The following PPP1R37 variants were observed in gnomAD, a reference collection of about 807,000 sequenced individuals.
PPP1R37 encodes protein phosphatase 1 regulatory subunit 37.
PPP1R37 carries 21 observed loss-of-function variants against 61.0 expected under a neutral mutation model. That is an observed-to-expected ratio of 0.34 (90% CI 0.24 to 0.50). The LOEUF (loss-of-function observed/expected upper bound fraction) is 0.50, where lower values mean the gene tolerates loss of function less well. Ranked by LOEUF, PPP1R37 falls within the 20% of genes least tolerant of loss-of-function variation. PPP1R37 has a pLI of 0.98. For missense variants in PPP1R37, 910 were observed against 952.7 expected (o/e 0.96, Z 0.59); for synonymous variants, 443 against 433.5 (o/e 1.02, Z -0.27).
rs553583118 is a variant in PPP1R37, at chr19:45,105,532, C to T, written c.202+12005C>T. On this transcript the variant is annotated intron_variant, in intron 1 of 12. Coordinates refer to ENST00000221462, the MANE Select transcript of PPP1R37 (RefSeq NM_019121.2). ...GGCAAGGTTCTGATAATTGATCTGCCGTGTACCTTTGTGGCAGGTGACCTA... is the reference window on the plus strand; with the variant it reads ...GGCAAGGTTCTGATAATTGATCTGCTGTGTACCTTTGTGGCAGGTGACCTA... Among the ~76,000 whole-genome samples, 154 of 152,230 alleles carry T rather than the reference C, an allele frequency of 1.0e-3. 2 individuals are homozygous for T. In the South Asian group the frequency reaches 0.011, roughly 11 times the overall value.
intron 1 of PPP1R37, among the ~76,000 whole-genome samples, chr19:45,123,364 C>T (rs1476265296): frequency 2.0e-5 from 3 of 152,200 alleles, no homozygotes; most frequent in Non-Finnish European, 2.9e-5. Flanking sequence ...AACCTACGAG[C>T]GCATCCTTGC....
At chr19:45,139,961 C>A (rs921914478) in intron 2 of PPP1R37, among the ~76,000 whole-genome samples, 21 of 152,272 alleles carry the variant, frequency 1.4e-4, no homozygotes, top group African/African-American at 5.1e-4. Context: ...GGGCCCACTC[C>A]CTCACTCGGT....
intron 1 of PPP1R37, among the ~76,000 whole-genome samples, chr19:45,137,788 G>A (rs1968556859): frequency 6.6e-6 from 1 of 151,718 alleles, no homozygotes; most frequent in Non-Finnish European, 1.5e-5. Flanking sequence ...TTTCCTCATA[G>A]GGTTGAAGTG....
chr19:45,119,434 T>C (rs1968311991), intron 1 of PPP1R37, among the ~76,000 whole-genome samples: 1 of 152,206 alleles, frequency 6.6e-6, no homozygotes, highest in South Asian at 2.1e-4. Flanking sequence ...ATCACAGGCA[T>C]GAGCCACGGT....
rs188384117 is a variant in PPP1R37 at position 45,094,740 on chromosome 19, A to C, written c.202+1213A>C. ...CAAAACTCCGGCTCAAAGAAAAAAA[A>C]AAAAAGAATTGGGGGATGTTATCAA... On this transcript the variant is annotated intron_variant, in intron 1 of 12. Coordinates refer to ENST00000221462, the MANE Select transcript of PPP1R37 (RefSeq NM_019121.2). 5.3e-5 allele frequency among the ~76,000 whole-genome samples: 8 copies of C among 152,084 alleles called. No individual in the cohort carries two copies. The East Asian group carries it at 1.5e-3, about 29-fold the overall frequency.
At position 45,145,236 on chromosome 19, in the gene PPP1R37, C is replaced by T. The variant is rs1968673064; in HGVS notation, c.1272C>T (p.Leu424=). 4 of 1,533,590 alleles carry T rather than the reference C, an allele frequency of 2.6e-6. No individual in the cohort carries two copies. The highest frequency in any genetic ancestry group is 1.4e-5 in the African/African-American group (1 of 73,068). The allele number at this position is 1,533,590 out of a possible 1,614,324, so 95.0% of individuals were successfully genotyped here. Residue 424 remains leucine (L), a synonymous_variant, in exon 10 of 13, where the codon CTC becomes CTT. Transcript: ENST00000221462. ...ACCACTCACTGCTGCGCCTGGACCT[C>T]GACCGTGAACCCAAGAAAGAGGCGG... is the stretch of plus-strand genomic sequence containing the variant. ...KVNHSLLRLD[L]DREPKKEAVK...
At chr19:45,118,593 A>G (rs1968299299) in intron 1 of PPP1R37, among the ~76,000 whole-genome samples, 1 of 152,136 alleles carries the variant, frequency 6.6e-6, no homozygotes. Context: ...TGCGTAGTAA[A>G]TGACAGCTGT....
intron 8 of PPP1R37, 61 bp downstream of exon 8, chr19:45,143,694 C>G: frequency 1.0e-6 from 1 of 989,452 alleles, no homozygotes; most frequent in Non-Finnish European, 1.5e-6. Flanking sequence ...CCCACTCCAG[C>G]TCTCAGCACA....
chr19:45,144,739 G>A (rs879374412), intron 8 of PPP1R37, 115 bp from the exon 9 acceptor site: 78 of 910,740 alleles, frequency 8.6e-5, no homozygotes, highest in Non-Finnish European at 1.2e-4. Context: ...GCAGGCGCGC[G>A]AAAGAAAAGG....
Position 45,130,930 on chromosome 19 carries a change from C to T in PPP1R37, c.203-7584C>T, listed in dbSNP as rs1244363394. Among the ~76,000 whole-genome samples the T allele has an allele frequency of 1.3e-5, 2 of 152,160 alleles. No individual in the cohort carries two copies. Among genetic ancestry groups the T allele is most frequent in the African/African-American group, 4.8e-5 (2 of 41,434 alleles). On this transcript the variant is annotated intron_variant, in intron 1 of 12. Transcript: ENST00000221462. This position sits in a 1 kb window ranked among gnomAD's most constrained non-coding sequence, Gnocchi z 4.4. The stretch of plus-strand genomic sequence containing the variant: ...GAGTTGACACCCTCCCACTGTGTCC[C>T]CCAGCCCGCACAGTGTTGCTTCCTG...
In PPP1R37 at chr19:45,140,499, C is replaced by G. The variant is rs1397022268; in HGVS notation, c.347-7C>G. 1 of 1,530,370 alleles carries G rather than the reference C, an allele frequency of 6.5e-7. No homozygotes were observed. Among genetic ancestry groups the G allele is most frequent in the East Asian group, 2.4e-5 (1 of 40,880 alleles). The allele number at this position is 1,530,370 out of a possible 1,614,324, so 94.8% of individuals were successfully genotyped here. A position where few individuals can be genotyped will look rare whatever the true frequency, so the allele number is the denominator to read the frequency against. Reference sequence around the variant, plus strand: ...TAGACATGCGCACGGCTGCTGTCTCCCCCCAGGTGAGAAGCTTGACTACAA... The same window carrying G: ...TAGACATGCGCACGGCTGCTGTCTCGCCCCAGGTGAGAAGCTTGACTACAA... On this transcript the variant is annotated splice_region_variant and splice_polypyrimidine_tract_variant and intron_variant, in intron 3 of 12. Transcript: ENST00000221462.
intron 1 of PPP1R37, among the ~76,000 whole-genome samples, chr19:45,123,245 AG>A (rs1324564910): frequency 3.3e-5 from 5 of 152,124 alleles, no homozygotes; most frequent in Non-Finnish European, 7.4e-5. Flanking sequence ...GGGCTGTCCC[AG>A]GGGTGAGTGC....
At chr19:45,094,186 A>G (rs1967961758) in intron 1 of PPP1R37, among the ~76,000 whole-genome samples, 1 of 152,108 alleles carries the variant, frequency 6.6e-6, no homozygotes, top group African/African-American at 2.4e-5. Flanking sequence ...GTCTCACTAC[A>G]TTGCCCAGGC....
At chr19:45,095,871 C>A (rs1967986592) in intron 1 of PPP1R37, among the ~76,000 whole-genome samples, 1 of 152,122 alleles carries the variant, frequency 6.6e-6, no homozygotes. Flanking sequence ...AGAATGCCCC[C>A]TGGCTATTGC....
At chr19:45,117,153 T>C (rs1355299986) in intron 1 of PPP1R37, among the ~76,000 whole-genome samples, 2 of 152,056 alleles carry the variant, frequency 1.3e-5, no homozygotes, top group Non-Finnish European at 2.9e-5. Flanking sequence ...CCTCAAGTGA[T>C]GCACCCGCCT....
At chr19:45,138,180 C>G (rs377050689) in intron 1 of PPP1R37, among the ~76,000 whole-genome samples, 50 of 152,048 alleles carry the variant, frequency 3.3e-4, no homozygotes, top group African/African-American at 1.2e-3. Flanking sequence ...AAGACAGCCC[C>G]AGTCCTGTCC....
rs369693040 is a variant in PPP1R37 at position 45,146,409 on chromosome 19, C to T, written c.2013C>T (p.Asn671=). 922 of 1,535,824 alleles carry T rather than the reference C, an allele frequency of 6.0e-4. 1 individual carries two copies. The highest frequency in any genetic ancestry group is 9.5e-4 in the East Asian group (39 of 40,882). The change falls in exon 12 of 13, where the codon AAC becomes AAT. Residue 671 remains asparagine (N), a synonymous_variant. Transcript: ENST00000221462. ...ACACAGAACTGAGCTGCTCCAAGAACGAGAAGGAGCTCGAGGAGCTGCTTC... is the reference window on the plus strand; with the variant it reads ...ACACAGAACTGAGCTGCTCCAAGAATGAGAAGGAGCTCGAGGAGCTGCTTC... ...GLEHELSCSK[N]EKELEELLLE...
chr19:45,101,538 C>T (rs1048927168), intron 1 of PPP1R37, among the ~76,000 whole-genome samples: 5 of 152,152 alleles, frequency 3.3e-5, no homozygotes, highest in African/African-American at 7.2e-5. Context: ...GGCAACATGA[C>T]GAGACCTTGT....
At chr19:45,098,298 C>T (rs904307167) in intron 1 of PPP1R37, among the ~76,000 whole-genome samples, 2 of 152,234 alleles carry the variant, frequency 1.3e-5, no homozygotes, top group African/African-American at 4.8e-5. Context: ...GCCAGACTTA[C>T]ACAAGGAACC....
Sources: gnomAD v4.1 joint callset for allele counts (sites outside exome capture counted in the v4.1 genomes callset) on GRCh38, gnomAD v4.1.1 for gene constraint, Gnocchi (gnomAD v3.1) non-coding constraint, MANE v1.5 for transcripts, NCBI Gene and HGNC (gene_info 2026-07-23, HGNC 2026-07-21) for gene names.